Variants in MID1 observed in about 807,000 individuals in gnomAD.
The protein encoded by MID1 is E3 ubiquitin-protein ligase Midline-1.
A neutral mutation model predicts 40.4 loss-of-function variants in MID1; 7 were observed. That is an observed-to-expected ratio of 0.17 (90% CI 0.10 to 0.33). MID1 has a LOEUF of 0.33. MID1 is among the 10% of genes least tolerant of loss of function. The probability of loss-of-function intolerance (pLI) is 1.00; values close to 1 mark genes in which losing one functional copy is unlikely to be tolerated. For synonymous variants in MID1, 229 were observed against 221.2 expected (o/e 1.04, Z -0.31); for missense variants, 367 against 558.5 (o/e 0.66, Z 3.46).
chrX:10,761,222 C>T (rs1197838216), intron 1 of MID1, among the ~76,000 whole-genome samples: 1 of 108,996 alleles, frequency 9.2e-6, no homozygotes, highest in African/African-American at 3.5e-5. Context: ...ATGTAGATCC[C>T]ATGTTCAGCT....
chrX:10,461,739 T>A (rs1412760000), intron 7 of MID1, among the ~76,000 whole-genome samples: 1 of 112,270 alleles, frequency 8.9e-6, no homozygotes, highest in Non-Finnish European at 1.9e-5. Context: ...TCTTTGTCAA[T>A]GGCAGTCAGC....
chrX:10,499,846 G>A (rs773948692), intron 3 of MID1, among the ~76,000 whole-genome samples: 5 of 112,208 alleles, frequency 4.5e-5, no homozygotes, highest in Admixed American at 9.5e-5. Flanking sequence ...TCTAGAGTAC[G>A]GGCTGTGAAA....
chrX:10,499,422 C>T (rs765362792), intron 3 of MID1, among the ~76,000 whole-genome samples: 90 of 111,861 alleles, frequency 8.0e-4, no homozygotes, highest in Non-Finnish European at 1.3e-3. Flanking sequence ...TTATGATACC[C>T]TTTAAAGCAC....
intron 2 of MID1, among the ~76,000 whole-genome samples, chrX:10,530,735 G>C (rs1289752589): frequency 9.0e-6 from 1 of 111,665 alleles, no homozygotes; most frequent in East Asian, 2.8e-4. Context: ...CACCAGCAGA[G>C]AATAGTAAAT....
At chrX:10,819,719 A>T (rs1194205412) in intron 1 of MID1, among the ~76,000 whole-genome samples, 1 of 111,655 alleles carries the variant, frequency 9.0e-6, no homozygotes, top group South Asian at 3.7e-4. Flanking sequence ...CAATCTTCAA[A>T]CTATCATCTT....
intron 7 of MID1, among the ~76,000 whole-genome samples, chrX:10,464,003 G>A (rs187066459): frequency 8.9e-6 from 1 of 112,166 alleles, no homozygotes; most frequent in East Asian, 2.8e-4. Context: ...CATCAAGGGA[G>A]GAACACATCC....
At chrX:10,698,477 T>C (rs1027983958) in intron 1 of MID1, among the ~76,000 whole-genome samples, 2 of 111,379 alleles carry the variant, frequency 1.8e-5, no homozygotes, top group Admixed American at 1.9e-4. Context: ...TCACATTTCA[T>C]AGTAAGGTAG....
intron 1 of MID1, among the ~76,000 whole-genome samples, chrX:10,672,847 G>C (rs5979339): frequency 0.08 from 8,857 of 110,025 alleles, 526 homozygotes; most frequent in African/African-American, 0.21. Context: ...ACCACACCCA[G>C]TTAACTTTTT....
intron 1 of MID1, among the ~76,000 whole-genome samples, chrX:10,659,486 C>G (rs774249380): frequency 8.9e-6 from 1 of 112,040 alleles, no homozygotes; most frequent in Non-Finnish European, 1.9e-5. Context: ...CTGAGCCAGA[C>G]AAACTATAAA....
intron 4 of MID1, among the ~76,000 whole-genome samples, chrX:10,486,426 G>C (rs1311578161): frequency 1.8e-5 from 2 of 112,074 alleles, no homozygotes; most frequent in African/African-American, 6.5e-5. Flanking sequence ...ATCCTGGGGT[G>C]CAGGGACCCA....
At chrX:10,547,362 C>T (rs974322451) in intron 2 of MID1, among the ~76,000 whole-genome samples, 3 of 108,812 alleles carry the variant, frequency 2.8e-5, no homozygotes, top group South Asian at 3.9e-4. Context: ...CACCTGAGGT[C>T]GGGAGTTTGA....
chrX:10,502,413 A>T (rs893579743), intron 3 of MID1, among the ~76,000 whole-genome samples: 1 of 111,942 alleles, frequency 8.9e-6, no homozygotes, highest in Non-Finnish European at 1.9e-5. Flanking sequence ...TAAGCTTGGG[A>T]CAGGATAACC....
intron 1 of MID1, among the ~76,000 whole-genome samples, chrX:10,672,085 C>A (rs1046083306): frequency 1.8e-4 from 20 of 110,511 alleles, no homozygotes; most frequent in African/African-American, 6.3e-4. Context: ...ATTAGCTGAG[C>A]GTGGTGGTGC....
Position 10,449,539 on chromosome X carries a change from A to G in MID1, c.1833T>C (p.Asp611=). The G allele has an allele frequency of 1.7e-6, 2 of 1,212,012 alleles. No homozygotes were observed. Among genetic ancestry groups the G allele is most frequent in the Non-Finnish European group, 2.2e-6 (2 of 895,597 alleles). Reference sequence around the variant, plus strand: ...CATCATAAAAGGCGATAGAGCCGTTATCATAGTCCAGCAGGATGCCCACGC... The same window carrying G: ...CATCATAAAAGGCGATAGAGCCGTTGTCATAGTCCAGCAGGATGCCCACGC... ...LRRVGILLDY[D]NGSIAFYDAL... Residue 611 remains aspartate, a synonymous_variant, in exon 10 of 10, where the codon GAT becomes GAC. Coordinates refer to ENST00000317552, the MANE Select transcript of MID1 (RefSeq NM_000381.4).
At position 10,631,718 on chromosome X, in the gene MID1, A is replaced by G. The variant is rs1027378935; in HGVS notation, c.-186-11299T>C. Among the ~76,000 whole-genome samples the G allele has an allele frequency of 2.7e-5, 3 of 111,858 alleles. 1 individual carries two copies. The highest frequency in any genetic ancestry group is 9.8e-5 in the African/African-American group (3 of 30,756). On this transcript the variant is annotated intron_variant, in intron 1 of 10. Coordinates refer to the MID1 transcript ENST00000380785. ...CGTAGCCCATATTCTTCCTTCCTTG[A>G]TATGATGAAGTCTTTGCTGAGAAAA... is the stretch of plus-strand genomic sequence containing the variant.
At chrX:10,643,492 G>C (rs886131475) in intron 1 of MID1, among the ~76,000 whole-genome samples, 2 of 111,807 alleles carry the variant, frequency 1.8e-5, no homozygotes, top group South Asian at 7.6e-4. Flanking sequence ...TTACAATGGC[G>C]ATCATTAAAA....
At chrX:10,817,556 C>CTT (rs2044146067) in intron 1 of MID1, among the ~76,000 whole-genome samples, 1 of 95,956 alleles carries the variant, frequency 1.0e-5, no homozygotes, top group Non-Finnish European at 2.1e-5. Flanking sequence ...TTCTTTCTTT[C>CTT]TTTCTTTCTT....
At chrX:10,797,966 G>A (rs1321541153) in intron 1 of MID1, among the ~76,000 whole-genome samples, 1 of 111,964 alleles carries the variant, frequency 8.9e-6, no homozygotes, top group Non-Finnish European at 1.9e-5. Flanking sequence ...GTAGGGGGCT[G>A]GCTTTGAAAG....
intron 1 of MID1, among the ~76,000 whole-genome samples, chrX:10,754,991 T>A (rs923918600): frequency 6.3e-5 from 7 of 111,991 alleles, no homozygotes; most frequent in Non-Finnish European, 1.3e-4. Flanking sequence ...CTGTTGCTCA[T>A]ACCAACAGTC....
Sources: allele counts gnomAD v4.1 joint callset (sites outside exome capture counted in the v4.1 genomes callset), GRCh38; gene constraint gnomAD v4.1.1; transcripts MANE v1.5; gene names NCBI Gene and HGNC (gene_info 2026-07-23, HGNC 2026-07-21).